The following MAN2B1 variants were observed in gnomAD, a reference collection of about 807,000 sequenced individuals.
MAN2B1 encodes the protein lysosomal alpha-mannosidase.
Under a neutral mutation model 127.5 loss-of-function variants are expected in MAN2B1, and 99 were observed. That is an observed-to-expected ratio of 0.78 (90% confidence interval 0.66 to 0.92). MAN2B1 has a LOEUF of 0.92. MAN2B1 is among the 40% of genes least tolerant of loss of function. The pLI is 0.00. For missense variants in MAN2B1, 1,304 were observed against 1,384.8 expected (o/e 0.94, Z 0.93); for synonymous variants, 573 against 568.8 (o/e 1.01, Z -0.11).
chr19:12,666,480 T>C, intron 1 of MAN2B1, 63 bp downstream of exon 1: 1 of 1,542,018 alleles, frequency 6.5e-7, no homozygotes, highest in South Asian at 1.2e-5. Flanking sequence ...CACCCACACC[T>C]CTAGACTGTA....
rs903942990 is a variant in MAN2B1 at position 12,657,060 on chromosome 19, C to A, written c.1420-4G>T. On this transcript the variant is annotated splice_region_variant and splice_polypyrimidine_tract_variant and intron_variant, in intron 11 of 23. Coordinates refer to ENST00000456935, the MANE Select transcript of MAN2B1 (RefSeq NM_000528.4). ...CCAGCGCGTTGCTCAGAAGAACCTG[C>A]GGAAGAGCGCAAAGGGACCGGTGGG... is the stretch of plus-strand genomic sequence containing the variant. The A allele has an allele frequency of 1.3e-6, 2 of 1,583,332 alleles. No individual in the cohort carries two copies. Among genetic ancestry groups the A allele is most frequent in the Non-Finnish European group, 8.6e-7 (1 of 1,158,032 alleles).
chr19:12,656,090 C>T (rs546812633), intron 13 of MAN2B1: 2 of 515,358 alleles, frequency 3.9e-6, no homozygotes, highest in African/African-American at 2.1e-5. Context: ...GTGGAGAGAC[C>T]ATGGAGTCGG....
In MAN2B1 at chr19:12,665,697, A is replaced by T. The variant is rs2024216961; in HGVS notation, c.262+6T>A. ...TCCCAGGGACCAGTCCCCATCCTCTACTCACTTCCATAAAAGTACTGGTCC... is the reference window on the plus strand; with the variant it reads ...TCCCAGGGACCAGTCCCCATCCTCTTCTCACTTCCATAAAAGTACTGGTCC... On this transcript the variant is annotated splice_donor_region_variant and intron_variant, in intron 2 of 23. Transcript: ENST00000456935. 1.2e-6 allele frequency: 2 copies of T among 1,613,124 alleles called. No individual in the cohort carries two copies. The highest frequency in any genetic ancestry group is 1.7e-6 in the Non-Finnish European group (2 of 1,179,208).
intron 13 of MAN2B1, 39 bp from the exon 14 acceptor site, chr19:12,655,918 C>T: frequency 6.3e-7 from 1 of 1,576,774 alleles, no homozygotes; most frequent in Non-Finnish European, 8.7e-7. Context: ...CAAGAGTACC[C>T]ATGGAAAGCT....
At chr19:12,650,366 T>C (rs2023814278) in intron 16 of MAN2B1, 144 bp from the exon 17 acceptor site, 2 of 673,022 alleles carry the variant, frequency 3.0e-6, no homozygotes, top group African/African-American at 3.6e-5. Flanking sequence ...TCTTTTTTTT[T>C]TTTTTTTTTT....
In MAN2B1 at chr19:12,648,221, G is replaced by A. The variant is rs752022224; in HGVS notation, c.2618C>T (p.Pro873Leu). The A allele has an allele frequency of 2.5e-6, 4 of 1,576,928 alleles. No homozygotes were observed. The South Asian group carries it at 3.4e-5, about 13-fold the overall frequency. The change falls in exon 21 of 24, where the codon CCG (proline) becomes CTG (leucine). Residue 873 changes from proline to leucine, a missense_variant. By Grantham distance (98) the Pro-to-Leu change is moderately conservative. Coordinates refer to ENST00000456935, the MANE Select transcript of MAN2B1 (RefSeq NM_000528.4). ...GAGATTGTAGGCGGCGCCGCCACCC[G>A]GGGCCAGCACCACCTGAGGGGCCAG... ...EVLAPQVVLA[P>L]GGGAAYNLGA...
intron 7 of MAN2B1, 113 bp from the exon 8 acceptor site, chr19:12,658,623 A>G: frequency 1.0e-6 from 1 of 994,388 alleles, no homozygotes; most frequent in East Asian, 2.6e-5. Context: ...TTCTCTAAAT[A>G]CATATTTGGC....
Position 12,652,212 on chromosome 19 carries a change from T to C in MAN2B1, c.1987A>G (p.Arg663Gly). The C allele has an allele frequency of 1.9e-6, 3 of 1,614,200 alleles. No homozygotes were observed. The highest frequency in any genetic ancestry group is 2.5e-6 in the Non-Finnish European group (3 of 1,180,034). Reference protein sequence around the residue: ...SDQASGAYIFRPNQQKPLPVS... With the variant: ...SDQASGAYIFGPNQQKPLPVS... ...GGCAGCGGTTTCTGTTGGTTGGGTC[T>C]GAAGATGTAGGCACCTGAGGCCTGG... The change falls in exon 16 of 24, where the codon AGA becomes GGA. Residue 663 changes from arginine to glycine, a missense_variant. Transcript: ENST00000456935.
intron 16 of MAN2B1, 121 bp downstream of exon 16, chr19:12,652,032 C>T: frequency 1.2e-6 from 1 of 802,164 alleles, no homozygotes; most frequent in South Asian, 1.4e-5. Context: ...GGGTCTTAGC[C>T]CACTGATCTG....
In MAN2B1 at chr19:12,655,920, T is replaced by C. The variant is rs1447192837; in HGVS notation, c.1645-41A>G. ...AGGGAAACTGAGTCAAGAGTACCCA[T>C]GGAAAGCTATACATGCATGGAGACA... is the stretch of plus-strand genomic sequence containing the variant. On this transcript the variant is annotated intron_variant, in intron 13 of 23. Transcript: ENST00000456935. 6 of 1,566,974 alleles carry C rather than the reference T, an allele frequency of 3.8e-6. No homozygotes were observed. The East Asian group carries it at 6.7e-5, about 18-fold the overall frequency.
At chr19:12,653,443 G>C (rs1053415253) in intron 14 of MAN2B1, among the ~76,000 whole-genome samples, 2 of 151,550 alleles carry the variant, frequency 1.3e-5, no homozygotes, top group African/African-American at 4.8e-5. Flanking sequence ...CAACACGCCT[G>C]GCCCCTTTTT....
At chr19:12,659,051 G>A (rs2024042652) in intron 7 of MAN2B1, 1 of 194,894 alleles carries the variant, frequency 5.1e-6, no homozygotes, top group South Asian at 8.5e-5. Context: ...TAGAGACGGA[G>A]TTTCACCGTG....
chr19:12,648,781 G>A (rs1413780793), intron 20 of MAN2B1, among the ~76,000 whole-genome samples: 3 of 152,126 alleles, frequency 2.0e-5, no homozygotes, highest in Non-Finnish European at 4.4e-5. Flanking sequence ...GATCACCTGA[G>A]GTAAGGAGTT....
Position 12,657,457 on chromosome 19 carries a change from C to A in MAN2B1, c.1408G>T (p.Gly470Trp). The change falls in exon 11 of 24, where the codon GGG becomes TGG. Residue 470 changes from glycine (G) to tryptophan (W), a missense_variant. Transcript: ENST00000456935. The stretch of plus-strand genomic sequence containing the variant: ...CTCGCCCCGCGCACCTCGCAAGGCC[C>A]CCAGCCTGCCGCAAGCTGGCGCGCG... ...DYARQLAAGW[G>W]PCEVLLSNAL... The A allele has an allele frequency of 6.4e-7, 1 of 1,554,486 alleles. No homozygotes were observed. The highest frequency in any genetic ancestry group is 1.2e-5 in the South Asian group (1 of 84,374).
chr19:12,663,768 A>C lies in MAN2B1; in HGVS notation c.698T>G (p.Leu233Arg), dbSNP rs1351264934. The C allele has an allele frequency of 6.2e-7, 1 of 1,614,026 alleles. No individual in the cohort carries two copies. Among genetic ancestry groups the C allele is most frequent in the African/African-American group, 1.3e-5 (1 of 74,922 alleles). The change falls in exon 5 of 24, where the codon CTG becomes CGG. Residue 233 changes from leucine (L) to arginine (R), a missense_variant. Leu to Arg is a moderately radical substitution (Grantham distance 102). Transcript: ENST00000456935. ...YQDKWVRMQK[L>R]EMEQVWRAST... ...GGCCCGCCACACCTGCTCCATCTCCAGCTTCTGCATCCGTACCCACTTATC... is the reference window on the plus strand; with the variant it reads ...GGCCCGCCACACCTGCTCCATCTCCCGCTTCTGCATCCGTACCCACTTATC...
Position 12,647,197 on chromosome 19 carries a change from A to G in MAN2B1, c.2923+36T>C, listed in dbSNP as rs775126353. 30 of 1,566,484 alleles carry G rather than the reference A, an allele frequency of 1.9e-5. No individual in the cohort carries two copies. Among genetic ancestry groups the G allele is most frequent in the Non-Finnish European group, 2.4e-5 (27 of 1,137,738 alleles). ...CCCCCACCTGCCGGCCCCAGGTAAG[A>G]CTCCACCCCTTCCCTACCCCTGACC... On this transcript the variant is annotated intron_variant, in intron 23 of 23. Coordinates refer to ENST00000456935, the MANE Select transcript of MAN2B1 (RefSeq NM_000528.4). This position sits in a 1 kb window ranked among gnomAD's most constrained non-coding sequence, Gnocchi z 4.9.
chr19:12,666,435 C>A (rs2024243698), intron 1 of MAN2B1, 108 bp downstream of exon 1: 2 of 1,250,340 alleles, frequency 1.6e-6, no homozygotes, highest in Non-Finnish European at 2.3e-6. Context: ...ACTGTCATAT[C>A]ATCAGCCATT....
At position 12,665,706 on chromosome 19, in the gene MAN2B1, C is replaced by G. The variant is rs753811983; in HGVS notation, c.259G>C (p.Gly87Arg). 7 of 1,613,970 alleles carry G rather than the reference C, an allele frequency of 4.3e-6. No individual in the cohort carries two copies. The South Asian group carries it at 7.7e-5, about 18-fold the overall frequency. ...CCAGTCCCCATCCTCTACTCACTTCCATAAAAGTACTGGTCCACGGTTTTG... is the reference window on the plus strand; with the variant it reads ...CCAGTCCCCATCCTCTACTCACTTCGATAAAAGTACTGGTCCACGGTTTTG... Reference protein sequence around the residue: ...WLKTVDQYFYGIKNDIQHAGV... With the variant: ...WLKTVDQYFYRIKNDIQHAGV... The change falls in exon 2 of 24, where the codon GGA (glycine) becomes CGA (arginine). Residue 87 changes from glycine (G) to arginine (R), a missense_variant. Coordinates refer to ENST00000456935, the MANE Select transcript of MAN2B1 (RefSeq NM_000528.4).
chr19:12,659,305 T>C (rs2024048419), intron 7 of MAN2B1, among the ~76,000 whole-genome samples: 1 of 148,052 alleles, frequency 6.8e-6, no homozygotes, highest in African/African-American at 2.5e-5. Context: ...AACTTTTTTT[T>C]TTTTTTTTTT....
Sources: allele counts gnomAD v4.1 joint callset (sites outside exome capture counted in the v4.1 genomes callset), GRCh38; gene constraint gnomAD v4.1.1; non-coding constraint Gnocchi (gnomAD v3.1); transcripts MANE v1.5; gene names NCBI Gene and HGNC (gene_info 2026-07-23, HGNC 2026-07-21).